Variants in TAB2 observed in about 807,000 individuals in gnomAD.
TAB2 encodes the protein TGF-beta activated kinase 1 (MAP3K7) binding protein 2, also known as TGF-beta-activated kinase 1 and MAP3K7-binding protein 2.
TAB2 carries 3 observed loss-of-function variants against 65.0 expected under a neutral mutation model. That is an observed-to-expected ratio of 0.05 (90% CI 0.02 to 0.12). TAB2 has a LOEUF of 0.12. Among genes scored for constraint, TAB2 ranks in the 10% least tolerant of loss-of-function variants. The probability of loss-of-function intolerance (pLI) is 1.00; values close to 1 mark genes in which losing one functional copy is unlikely to be tolerated. For synonymous variants in TAB2, 298 were observed against 285.1 expected (o/e 1.05, Z -0.46); for missense variants, 623 against 840.3 (o/e 0.74, Z 3.20).
At chr6:149,370,747 A>G (rs1320691740) in intron 2 of TAB2, among the ~76,000 whole-genome samples, 1 of 152,044 alleles carries the variant, frequency 6.6e-6, no homozygotes, top group Non-Finnish European at 1.5e-5. Flanking sequence ...TTTCTATTTT[A>G]TTAAACTGGA....
chr6:149,241,949 G>T (rs1777605878), intron 1 of TAB2, among the ~76,000 whole-genome samples: 1 of 152,094 alleles, frequency 6.6e-6, no homozygotes, highest in Non-Finnish European at 1.5e-5. Flanking sequence ...GGGCCCCGAG[G>T]TCATCCTTGG....
intron 4 of TAB2, 98 bp from the exon 5 acceptor site, chr6:149,397,871 G>A: frequency 1.0e-5 from 16 of 1,577,934 alleles, no homozygotes; most frequent in Non-Finnish European, 1.3e-5. Flanking sequence ...CTTAACTCTT[G>A]TTTTTCTGTC....
rs950671329 is a variant in TAB2, at chr6:149,409,568, T to G, written c.1940-9T>G. On this transcript the variant is annotated splice_polypyrimidine_tract_variant and intron_variant, in intron 6 of 6. Coordinates refer to ENST00000637181, the MANE Select transcript of TAB2 (RefSeq NM_001292034.3). ...TTTACTTATAAAATAATTTTTTTCT[T>G]TCTTACAGATCAAAGGTCCATCATC... 6.2e-7 allele frequency: 1 copy of G among 1,612,364 alleles called. No homozygotes were observed. Among genetic ancestry groups the G allele is most frequent in the Non-Finnish European group, 8.5e-7 (1 of 1,178,778 alleles).
intron 1 of TAB2, among the ~76,000 whole-genome samples, chr6:149,279,679 G>A (rs1463177985): frequency 1.3e-5 from 2 of 152,132 alleles, no homozygotes; most frequent in Non-Finnish European, 2.9e-5. Context: ...TCCCAAGATT[G>A]AGAAATTTCT....
At chr6:149,229,352 C>T (rs899946433) in intron 1 of TAB2, among the ~76,000 whole-genome samples, 3 of 151,782 alleles carry the variant, frequency 2.0e-5, no homozygotes, top group Non-Finnish European at 4.4e-5. Context: ...ACAAAGAAAA[C>T]GTGTGCTCCA....
At chr6:149,283,246 T>C (rs1444149970) in intron 1 of TAB2, among the ~76,000 whole-genome samples, 1 of 152,174 alleles carries the variant, frequency 6.6e-6, no homozygotes, top group African/African-American at 2.4e-5. Flanking sequence ...TTATGATCCA[T>C]GCAAATGGAT....
intron 1 of TAB2, among the ~76,000 whole-genome samples, chr6:149,349,685 A>G (rs1780427337): frequency 6.6e-6 from 1 of 152,204 alleles, no homozygotes; most frequent in Non-Finnish European, 1.5e-5. Context: ...GTGATGGAAC[A>G]TATTTACATT....
intron 1 of TAB2, among the ~76,000 whole-genome samples, chr6:149,368,644 T>TG (rs1781117140): frequency 3.1e-5 from 4 of 129,192 alleles, no homozygotes. Context: ...AATGCGAAAA[T>TG]TTGTGTGTGT....
intron 6 of TAB2, among the ~76,000 whole-genome samples, chr6:149,405,769 G>A (rs1012921796): frequency 5.3e-5 from 8 of 152,120 alleles, no homozygotes; most frequent in African/African-American, 1.2e-4. Context: ...GATTGTGGTC[G>A]AAGGGGTACA....
chr6:149,338,026 A>C (rs1271622681), intron 1 of TAB2, among the ~76,000 whole-genome samples: 1 of 152,180 alleles, frequency 6.6e-6, no homozygotes, highest in Non-Finnish European at 1.5e-5. Flanking sequence ...AATATTATAC[A>C]GGTCCACAAT....
intron 1 of TAB2, among the ~76,000 whole-genome samples, chr6:149,219,807 G>C (rs911922677): frequency 1.3e-5 from 2 of 152,130 alleles, no homozygotes; most frequent in African/African-American, 4.8e-5. Flanking sequence ...TGATAGACCT[G>C]AAAGTCCCAA....
At chr6:149,222,617 CAAA>C (rs36037987) in intron 1 of TAB2, among the ~76,000 whole-genome samples, 29 of 126,392 alleles carry the variant, frequency 2.3e-4, no homozygotes, top group South Asian at 2.6e-4. Flanking sequence ...GACTCTGTCT[CAAA>C]AAAAAAAAAA....
intron 1 of TAB2, among the ~76,000 whole-genome samples, chr6:149,332,899 A>G (rs552809834): frequency 6.6e-6 from 1 of 152,304 alleles, no homozygotes; most frequent in African/African-American, 2.4e-5. Context: ...AAAATTTTTT[A>G]AATGCCACAA....
At chr6:149,226,910 G>C (rs1425244078) in intron 1 of TAB2, among the ~76,000 whole-genome samples, 1 of 152,180 alleles carries the variant, frequency 6.6e-6, no homozygotes, top group Admixed American at 6.5e-5. Flanking sequence ...AAAAGTGTTG[G>C]ATAAATGAAT....
At chr6:149,294,955 A>G (rs1019601911) in intron 1 of TAB2, among the ~76,000 whole-genome samples, 1 of 152,256 alleles carries the variant, frequency 6.6e-6, no homozygotes, top group African/African-American at 2.4e-5. Flanking sequence ...AGTGTGAAAT[A>G]TAACACACAG....
intron 1 of TAB2, among the ~76,000 whole-genome samples, chr6:149,237,788 C>G (rs775359260): frequency 2.8e-4 from 42 of 152,198 alleles, no homozygotes; most frequent in Non-Finnish European, 5.7e-4. Flanking sequence ...ATAGTGGGCT[C>G]AGGGATGAGC....
At chr6:149,301,612 A>T (rs1778974398) in intron 1 of TAB2, among the ~76,000 whole-genome samples, 1 of 152,192 alleles carries the variant, frequency 6.6e-6, no homozygotes, top group African/African-American at 2.4e-5. Context: ...CACATTTTCA[A>T]ATCTTTTTGT....
At chr6:149,295,132 A>T (rs1337649751) in intron 1 of TAB2, among the ~76,000 whole-genome samples, 1 of 152,190 alleles carries the variant, frequency 6.6e-6, no homozygotes, top group East Asian at 1.9e-4. Flanking sequence ...CACCTAAAAC[A>T]GGGTCAAGAT....
chr6:149,355,119 C>T (rs1041130439), intron 1 of TAB2, among the ~76,000 whole-genome samples: 1 of 152,120 alleles, frequency 6.6e-6, no homozygotes, highest in Non-Finnish European at 1.5e-5. Flanking sequence ...TAAATTAAAT[C>T]TCCCATGATG....
Sources: gnomAD v4.1 joint callset for allele counts (sites outside exome capture counted in the v4.1 genomes callset) on GRCh38, gnomAD v4.1.1 for gene constraint, MANE v1.5 for transcripts, NCBI Gene and HGNC (gene_info 2026-07-23, HGNC 2026-07-21) for gene names.